The following LHFPL2 variants were observed in gnomAD, a reference collection of about 807,000 sequenced individuals.
LHFPL2 encodes the protein LHFPL tetraspan subfamily member 2 protein.
In LHFPL2, 7 loss-of-function variants were observed where a neutral mutation model predicts 17.5. That is an observed-to-expected ratio of 0.40 (90% confidence interval 0.23 to 0.75). The LOEUF (loss-of-function observed/expected upper bound fraction) is 0.75. Ranked by LOEUF, LHFPL2 falls within the 30% of genes least tolerant of loss-of-function variation. The pLI is 0.37. For missense variants in LHFPL2, 241 were observed against 294.8 expected, an observed-to-expected ratio of 0.82 and a Z score of 1.34; for synonymous variants, 134 against 116.2, an observed-to-expected ratio of 1.15 and a Z score of -0.99.
intron 3 of LHFPL2, among the ~76,000 whole-genome samples, chr5:78,560,463 G>A (rs945716863): frequency 3.3e-5 from 5 of 152,146 alleles, no homozygotes; most frequent in African/African-American, 1.2e-4. Flanking sequence ...ATCTCCCGGG[G>A]CATAGCAGTA....
chr5:78,625,159 CA>C (rs1744987775), intron 2 of LHFPL2: 1 of 152,116 alleles, frequency 6.6e-6, no homozygotes, highest in African/African-American at 2.4e-5. Context: ...CCTGTTGCTA[CA>C]GTGACCAAAC....
intron 3 of LHFPL2, among the ~76,000 whole-genome samples, chr5:78,539,872 A>G (rs993741544): frequency 2.0e-5 from 3 of 149,220 alleles, no homozygotes; most frequent in African/African-American, 7.4e-5. Flanking sequence ...CAAAGTTATT[A>G]AGATATATTT....
At chr5:78,576,164 G>T (rs540492531) in intron 2 of LHFPL2, among the ~76,000 whole-genome samples, 2 of 152,284 alleles carry the variant, frequency 1.3e-5, no homozygotes, top group East Asian at 3.9e-4. Flanking sequence ...GCGTGGTGGT[G>T]GGTGCCTGTA....
chr5:78,491,576 G>A (rs968324275), intron 4 of LHFPL2, among the ~76,000 whole-genome samples: 2 of 152,162 alleles, frequency 1.3e-5, no homozygotes, highest in Non-Finnish European at 2.9e-5. Flanking sequence ...GAAATATGGT[G>A]GACCACAGCA....
chr5:78,525,884 T>C (rs1337527093), intron 3 of LHFPL2, among the ~76,000 whole-genome samples: 1 of 152,156 alleles, frequency 6.6e-6, no homozygotes, highest in Non-Finnish European at 1.5e-5. Context: ...AGAAAAGTAA[T>C]ATGGCTCAAC....
chr5:78,606,682 T>A (rs1441708772), intron 2 of LHFPL2, among the ~76,000 whole-genome samples: 1 of 152,080 alleles, frequency 6.6e-6, no homozygotes, highest in Non-Finnish European at 1.5e-5. Context: ...AAGAATGTAT[T>A]TGTTTTATTT....
intron 3 of LHFPL2, among the ~76,000 whole-genome samples, chr5:78,524,963 T>C (rs2112348412): frequency 6.6e-6 from 1 of 152,302 alleles, no homozygotes; most frequent in South Asian, 2.1e-4. Flanking sequence ...GTATTAAAGG[T>C]AAATGTTTCT....
At chr5:78,608,082 A>G (rs1476058809) in intron 2 of LHFPL2, among the ~76,000 whole-genome samples, 1 of 152,260 alleles carries the variant, frequency 6.6e-6, no homozygotes, top group Non-Finnish European at 1.5e-5. Context: ...AATGAGATCA[A>G]GGAGATAAAG....
At chr5:78,563,632 T>G (rs1345797320) in intron 3 of LHFPL2, among the ~76,000 whole-genome samples, 1 of 146,726 alleles carries the variant, frequency 6.8e-6, no homozygotes, top group African/African-American at 2.6e-5. Flanking sequence ...ACCCAGGAGG[T>G]GGAGGTTACA....
chr5:78,490,611 G>A lies in LHFPL2; in HGVS notation c.431-1458C>T, dbSNP rs143728370. ...CTAAAAATACAAAAATTAGCTGGGC[G>A]TGGTGGCACACCTGTAGTCCCGGCT... On this transcript the variant is annotated intron_variant, in intron 4 of 4. Transcript: ENST00000380345. 1.4e-3 allele frequency among the ~76,000 whole-genome samples: 212 copies of A among 151,960 alleles called. 1 individual carries two copies. Among genetic ancestry groups the A allele is most frequent in the African/African-American group, 4.8e-3 (200 of 41,444 alleles).
intron 3 of LHFPL2, among the ~76,000 whole-genome samples, chr5:78,550,558 A>ATT (rs1234441155): frequency 7.3e-6 from 1 of 137,346 alleles, no homozygotes; most frequent in Non-Finnish European, 1.7e-5. Flanking sequence ...CTTCTGTTTT[A>ATT]TTTATTTTTA....
At chr5:78,561,272 AAAGT>A (rs1458002450) in intron 3 of LHFPL2, among the ~76,000 whole-genome samples, 1 of 152,274 alleles carries the variant, frequency 6.6e-6, no homozygotes, top group Non-Finnish European at 1.5e-5. Context: ...TCTAAATTTT[AAAGT>A]AAGTAGAAAG....
At chr5:78,584,858 C>G (rs562021425) in intron 2 of LHFPL2, among the ~76,000 whole-genome samples, 1 of 152,144 alleles carries the variant, frequency 6.6e-6, no homozygotes. Flanking sequence ...CAAGCCTGGG[C>G]AATGGCGGGC....
At chr5:78,517,193 T>C (rs906309559) in intron 3 of LHFPL2, among the ~76,000 whole-genome samples, 5 of 152,230 alleles carry the variant, frequency 3.3e-5, no homozygotes, top group African/African-American at 1.2e-4. Flanking sequence ...ACTGTTGACA[T>C]TCTCAGCTGC....
At chr5:78,580,289 G>A (rs1410594254) in intron 2 of LHFPL2, among the ~76,000 whole-genome samples, 1 of 152,104 alleles carries the variant, frequency 6.6e-6, no homozygotes, top group Non-Finnish European at 1.5e-5. Context: ...CTCCCATTTT[G>A]TAGGTTGCCT....
intron 3 of LHFPL2, among the ~76,000 whole-genome samples, chr5:78,536,417 TTC>T (rs1024734763): frequency 5.3e-5 from 8 of 152,314 alleles, no homozygotes; most frequent in South Asian, 2.1e-4. Flanking sequence ...TCTGGCCTTT[TTC>T]TCTCCCAAAC....
rs565439930 is a variant in LHFPL2, at chr5:78,621,185, T to C, written c.-245+11079A>G. 1.8e-4 allele frequency among the ~76,000 whole-genome samples: 27 copies of C among 152,248 alleles called. No individual in the cohort carries two copies. In the South Asian group the frequency reaches 5.6e-3, roughly 32 times the overall value. On this transcript the variant is annotated intron_variant, in intron 2 of 4. Coordinates refer to ENST00000380345, the MANE Select transcript of LHFPL2 (RefSeq NM_005779.3). The stretch of plus-strand genomic sequence containing the variant: ...CAAACAGAAAACAAACCTTAAAGGA[T>C]TCAGTATTCAGTGGTTCCCAAATGC...
chr5:78,583,208 C>G (rs1743218199), intron 2 of LHFPL2, among the ~76,000 whole-genome samples: 1 of 151,484 alleles, frequency 6.6e-6, no homozygotes, highest in Non-Finnish European at 1.5e-5. Context: ...CTGAATACAG[C>G]ACACTGATGG....
At chr5:78,557,465 G>A (rs923860682) in intron 3 of LHFPL2, among the ~76,000 whole-genome samples, 3 of 152,242 alleles carry the variant, frequency 2.0e-5, no homozygotes, top group African/African-American at 4.8e-5. Flanking sequence ...AAAATGGATC[G>A]GACTTCAACT....
Sources: allele counts gnomAD v4.1 joint callset (sites outside exome capture counted in the v4.1 genomes callset), GRCh38; gene constraint gnomAD v4.1.1; transcripts MANE v1.5; gene names NCBI Gene and HGNC (gene_info 2026-07-23, HGNC 2026-07-21).